TMEM114: variants seen among roughly 807,000 people sequenced by gnomAD.
TMEM114 encodes the protein transmembrane protein 114, also known as claudin-26.
Under a neutral mutation model 6.2 loss-of-function variants are expected in TMEM114, and 6 were observed. That is an observed-to-expected ratio of 0.97 (90% CI 0.53 to 1.91). TMEM114 has a LOEUF of 1.91. TMEM114 is among the 40% of genes most tolerant of loss of function. TMEM114 has a pLI of 0.01. For missense variants in TMEM114, 218 were observed against 158.3 expected, an observed-to-expected ratio of 1.38 and a Z score of -2.02; for synonymous variants, 104 against 73.0, an observed-to-expected ratio of 1.42 and a Z score of -2.16.
intron 2 of TMEM114, among the ~76,000 whole-genome samples, chr16:8,542,770 T>C (rs1476478450): frequency 1.3e-5 from 2 of 152,058 alleles, no homozygotes; most frequent in African/African-American, 4.8e-5. Flanking sequence ...GGAACTGGGA[T>C]ATTTCCAACC....
downstream of TMEM114, among the ~76,000 whole-genome samples, chr16:8,535,515 C>A (rs555131464): frequency 1.4e-4 from 21 of 151,766 alleles, no homozygotes; most frequent in South Asian, 4.0e-3. Flanking sequence ...ATCATAATTG[C>A]CAGTTTATTA....
chr16:8,555,552 C>T (rs1043916438), intron 2 of TMEM114, among the ~76,000 whole-genome samples: 2 of 152,160 alleles, frequency 1.3e-5, no homozygotes, highest in Admixed American at 6.5e-5. Flanking sequence ...ACTGTCATGG[C>T]GCTGGTAGAT....
downstream of TMEM114, among the ~76,000 whole-genome samples, chr16:8,566,161 G>A (rs558599018): frequency 7.2e-5 from 11 of 152,268 alleles, no homozygotes; most frequent in East Asian, 2.1e-3. Flanking sequence ...ATGAGCTCAG[G>A]AGATCGAGAC....
downstream of TMEM114, among the ~76,000 whole-genome samples, chr16:8,533,974 C>G (rs1480217352): frequency 6.6e-6 from 1 of 152,180 alleles, no homozygotes; most frequent in African/African-American, 2.4e-5. Context: ...AAAGGCAACC[C>G]TTCTGCCTGG....
intron 2 of TMEM114, among the ~76,000 whole-genome samples, chr16:8,572,845 C>G (rs769790818): frequency 6.6e-6 from 1 of 152,218 alleles, no homozygotes; most frequent in Non-Finnish European, 1.5e-5. Context: ...TGGGGGATGG[C>G]TGGCAGTGGT....
At chr16:8,532,528 C>T in the TMEM114 span, among the ~76,000 whole-genome samples, 1 of 152,202 alleles carries the variant, frequency 6.6e-6, no homozygotes, top group Non-Finnish European at 1.5e-5. Flanking sequence ...AAACACCTTA[C>T]TAAAATTACA....
At chr16:8,576,218 G>A (rs1406735859) in intron 2 of TMEM114, among the ~76,000 whole-genome samples, 1 of 152,160 alleles carries the variant, frequency 6.6e-6, no homozygotes, top group Non-Finnish European at 1.5e-5. Context: ...ATCACAGCCA[G>A]TCTGCCTCCC....
At chr16:8,573,197 A>G (rs1901794039) in intron 2 of TMEM114, among the ~76,000 whole-genome samples, 1 of 152,162 alleles carries the variant, frequency 6.6e-6, no homozygotes, top group African/African-American at 2.4e-5. Context: ...ACTAACGGGG[A>G]CACTGTTAAT....
chr16:8,545,959 T>G (rs776166767), intron 2 of TMEM114, among the ~76,000 whole-genome samples: 29 of 151,808 alleles, frequency 1.9e-4, no homozygotes, highest in South Asian at 1.7e-3. Flanking sequence ...TACAGAAAAT[T>G]TAAAAATTAG....
chr16:8,569,955 C>T lies in TMEM114; in HGVS notation c.490G>A (p.Ala164Thr). The stretch of plus-strand genomic sequence containing the variant: ...AAGAGACACAGCGCCTCCCGGAAGG[C>T]GGCGGCTGAATACGCTATGTAGACG... ...ISVYIAYSAAAFREALCLLEE... is the reference protein window; with the variant it reads ...ISVYIAYSAATFREALCLLEE... The change falls in exon 4 of 4, where the codon GCC (alanine) becomes ACC (threonine). Residue 164 changes from alanine (A) to threonine (T), a missense_variant. By Grantham distance (58) the Ala-to-Thr change is moderately conservative. Transcript: ENST00000620492. 6.4e-7 allele frequency: 1 copy of T among 1,551,034 alleles called. No individual in the cohort carries two copies. The highest frequency in any genetic ancestry group is 8.7e-7 in the Non-Finnish European group (1 of 1,146,960).
chr16:8,548,081 C>T lies in TMEM114; in HGVS notation n.213-10255G>A, dbSNP rs148660128. Among the ~76,000 whole-genome samples the T allele has an allele frequency of 6.4e-3, 971 of 152,258 alleles. 6 individuals carry two copies. Among genetic ancestry groups the T allele is most frequent in the African/African-American group, 0.022 (903 of 41,544 alleles). Reference sequence around the variant, plus strand: ...AAGTGCAAGTTTCACGCTCCTGGAACGGCTGCAAGCAAGACCCTCTGAAAA... The same window carrying T: ...AAGTGCAAGTTTCACGCTCCTGGAATGGCTGCAAGCAAGACCCTCTGAAAA... On this transcript the variant is annotated intron_variant and non_coding_transcript_variant, in intron 2 of 2. Transcript: ENST00000623677.
chr16:8,529,904 A>C, the TMEM114 span, among the ~76,000 whole-genome samples: 896 of 152,252 alleles, frequency 5.9e-3, 12 homozygotes, highest in African/African-American at 0.02. Context: ...TTGGATTTCT[A>C]TGAATTAGTA....
At chr16:8,580,722 ACT>A (rs1902113888) in intron 2 of TMEM114, among the ~76,000 whole-genome samples, 1 of 152,042 alleles carries the variant, frequency 6.6e-6, no homozygotes, top group South Asian at 2.1e-4. Flanking sequence ...ATAGGGTCTC[ACT>A]CTGACACCCA....
chr16:8,570,855 A>C (rs963206818), intron 3 of TMEM114, among the ~76,000 whole-genome samples: 1 of 152,214 alleles, frequency 6.6e-6, no homozygotes, highest in Non-Finnish European at 1.5e-5. Context: ...TTAACAGCTC[A>C]GTCCCCCATC....
intron 2 of TMEM114, among the ~76,000 whole-genome samples, chr16:8,584,822 T>C (rs1348238914): frequency 6.7e-6 from 1 of 148,924 alleles, no homozygotes; most frequent in African/African-American, 2.5e-5. Flanking sequence ...CTTGGGAGAC[T>C]GAGGCAGAAG....
chr16:8,570,583 C>G (rs1901703135), intron 3 of TMEM114, among the ~76,000 whole-genome samples: 1 of 152,220 alleles, frequency 6.6e-6, no homozygotes, highest in Non-Finnish European at 1.5e-5. Context: ...CCGCCTGTCT[C>G]TGCCTCCTAA....
downstream of TMEM114, among the ~76,000 whole-genome samples, chr16:8,533,126 GA>G (rs1238885329): frequency 2.1e-5 from 3 of 141,928 alleles, no homozygotes; most frequent in African/African-American, 7.9e-5. Context: ...GGAAGAGACA[GA>G]TAACCAACAA....
At chr16:8,550,673 C>T (rs1394145240) in intron 2 of TMEM114, among the ~76,000 whole-genome samples, 2 of 140,168 alleles carry the variant, frequency 1.4e-5, no homozygotes, top group Non-Finnish European at 3.0e-5. Context: ...AGCAAAACTT[C>T]GTCAAAAAAA....
At chr16:8,564,681 A>ATGAG (rs1901462265), downstream of TMEM114, among the ~76,000 whole-genome samples, 30 of 13,644 alleles carry the variant, frequency 2.2e-3, no homozygotes, top group Non-Finnish European at 3.4e-3. Context: ...GAATGAGTGA[A>ATGAG]TGAGTGAGTG....
Sources: gnomAD v4.1 joint callset for allele counts (sites outside exome capture counted in the v4.1 genomes callset) on GRCh38, gnomAD v4.1.1 for gene constraint, MANE v1.5 for transcripts, NCBI Gene and HGNC (gene_info 2026-07-23, HGNC 2026-07-21) for gene names.